ANKS1B: variants seen among roughly 807,000 people sequenced by gnomAD.
The protein encoded by ANKS1B is ankyrin repeat and sterile alpha motif domain-containing protein 1B.
A neutral mutation model predicts 148.3 loss-of-function variants in ANKS1B; 36 were observed. The ratio of observed to expected loss-of-function variants is 0.24; its 90% CI spans 0.19 to 0.32. The LOEUF (loss-of-function observed/expected upper bound fraction) is 0.32. Ranked by LOEUF, ANKS1B falls within the 10% of genes least tolerant of loss-of-function variation. The probability of loss-of-function intolerance (pLI) is 1.00; values close to 1 mark genes in which losing one functional copy is unlikely to be tolerated. For synonymous variants in ANKS1B, 542 were observed against 560.8 expected, an observed-to-expected ratio of 0.97 and a Z score of 0.47; for missense variants, 1,157 against 1,542.6, an observed-to-expected ratio of 0.75 and a Z score of 4.19.
Position 99,246,842 on chromosome 12 carries a change from G to A in ANKS1B, c.1779C>T (p.Asp593=), listed in dbSNP as rs2073925870. ...GATCATATTCTTTTGGGGGATCATTGTCATCCTGTCGGGAGAGGTCATCTG... is the reference window on the plus strand; with the variant it reads ...GATCATATTCTTTTGGGGGATCATTATCATCCTGTCGGGAGAGGTCATCTG... The part of the protein sequence containing the change: ...NHTDDLSRQD[D]NDPPKEYDPG... Residue 593 remains aspartate, a synonymous_variant, in exon 13 of 27, where the codon GAC becomes GAT. Transcript: ENST00000683438. 6.3e-7 allele frequency: 1 copy of A among 1,597,954 alleles called. No individual in the cohort carries two copies. Among genetic ancestry groups the A allele is most frequent in the Non-Finnish European group, 8.5e-7 (1 of 1,175,922 alleles).
chr12:98,958,829 T>C (rs950506376), intron 17 of ANKS1B, among the ~76,000 whole-genome samples: 2 of 152,346 alleles, frequency 1.3e-5, no homozygotes, highest in Middle Eastern at 3.4e-3. Flanking sequence ...TAGTTATATC[T>C]ACATGTAAGT....
intron 19 of ANKS1B, among the ~76,000 whole-genome samples, chr12:98,814,139 C>T (rs1319384252): frequency 6.6e-6 from 1 of 152,120 alleles, no homozygotes; most frequent in African/African-American, 2.4e-5. Context: ...CTCGGCCTCC[C>T]AAAGTGCTTG....
At chr12:99,594,269 T>C (rs897639828) in intron 9 of ANKS1B, among the ~76,000 whole-genome samples, 7 of 152,144 alleles carry the variant, frequency 4.6e-5, no homozygotes, top group Admixed American at 3.3e-4. Flanking sequence ...AGAATGCAAA[T>C]TTATGCAGTC....
chr12:99,928,332 G>A (rs1356315883), intron 1 of ANKS1B, among the ~76,000 whole-genome samples: 1 of 148,488 alleles, frequency 6.7e-6, no homozygotes, highest in African/African-American at 2.5e-5. Flanking sequence ...ACTGCGGACT[G>A]CAGTGGCGCA....
chr12:99,759,907 T>C lies in ANKS1B; in HGVS notation c.1128+13015A>G, dbSNP rs137908749. On this transcript the variant is annotated intron_variant, in intron 8 of 26. Coordinates refer to ENST00000683438, the MANE Select transcript of ANKS1B (RefSeq NM_001352186.2). ...AATTCTAACAGCTGAGTTCTTCTACTAGAAAGTTTAATTCAAGTTAGAGAT... is the reference window on the plus strand; with the variant it reads ...AATTCTAACAGCTGAGTTCTTCTACCAGAAAGTTTAATTCAAGTTAGAGAT... Among the ~76,000 whole-genome samples, 631 of 151,630 alleles carry C rather than the reference T, an allele frequency of 4.2e-3. 4 individuals are homozygous for C. The highest frequency in any genetic ancestry group is 0.014 in the African/African-American group (570 of 41,408).
At chr12:99,661,884 T>C (rs185170873) in intron 8 of ANKS1B, among the ~76,000 whole-genome samples, 3 of 152,268 alleles carry the variant, frequency 2.0e-5, no homozygotes, top group African/African-American at 7.2e-5. Context: ...TGAATAGGTG[T>C]GCCCTTCTTC....
intron 9 of ANKS1B, among the ~76,000 whole-genome samples, chr12:99,646,898 C>T (rs2098374718): frequency 6.7e-6 from 1 of 150,152 alleles, no homozygotes; most frequent in African/African-American, 2.4e-5. Flanking sequence ...CATTCCATAG[C>T]CAGGGTATGA....
intron 22 of ANKS1B, among the ~76,000 whole-genome samples, chr12:98,786,662 C>A (rs549750752): frequency 6.6e-6 from 1 of 152,292 alleles, no homozygotes; most frequent in African/African-American, 2.4e-5. Context: ...CAGAGCAAGA[C>A]TTTTCCGAGC....
intron 18 of ANKS1B, among the ~76,000 whole-genome samples, chr12:98,830,695 G>A (rs1398574883): frequency 6.6e-6 from 1 of 152,132 alleles, no homozygotes; most frequent in African/African-American, 2.4e-5. Flanking sequence ...GCAAGTGCAG[G>A]ACAAAATAGA....
At chr12:98,826,829 G>A (rs975526838) in intron 19 of ANKS1B, among the ~76,000 whole-genome samples, 1 of 152,120 alleles carries the variant, frequency 6.6e-6, no homozygotes, top group Non-Finnish European at 1.5e-5. Context: ...AATTTTAATT[G>A]CTAATTCAAG....
chr12:99,488,779 T>C (rs2096527362), intron 10 of ANKS1B, among the ~76,000 whole-genome samples: 1 of 152,172 alleles, frequency 6.6e-6, no homozygotes, highest in East Asian at 1.9e-4. Flanking sequence ...CATCAAGATA[T>C]TTTCTTTGCT....
intron 2 of ANKS1B, 110 bp from the exon 3 acceptor site, chr12:99,812,421 T>C (rs2068484482): frequency 1.7e-6 from 2 of 1,208,146 alleles, no homozygotes; most frequent in African/African-American, 3.1e-5. Flanking sequence ...GAGTAATCAT[T>C]CAAGGTACTA....
At chr12:98,774,756 C>T (rs1411066132) in intron 24 of ANKS1B, among the ~76,000 whole-genome samples, 1 of 152,214 alleles carries the variant, frequency 6.6e-6, no homozygotes, top group Admixed American at 6.5e-5. Context: ...ATGTCCCTCA[C>T]TTTACCAAGC....
At chr12:99,246,138 A>G in intron 13 of ANKS1B, 137 bp downstream of exon 13, 1 of 633,330 alleles carries the variant, frequency 1.6e-6, no homozygotes, top group Non-Finnish European at 2.6e-6. Flanking sequence ...TACCCACAGA[A>G]CCATTTCATT....
intron 8 of ANKS1B, among the ~76,000 whole-genome samples, chr12:99,678,641 A>G (rs1016825091): frequency 1.3e-5 from 2 of 152,174 alleles, no homozygotes; most frequent in Admixed American, 6.5e-5. Flanking sequence ...TGATTGCACC[A>G]AACTTAAAAA....
chr12:99,854,074 G>A (rs527890305), intron 1 of ANKS1B, among the ~76,000 whole-genome samples: 304 of 152,290 alleles, frequency 2.0e-3, no homozygotes, highest in Middle Eastern at 3.4e-3. Flanking sequence ...GCAGTGGTGC[G>A]ATCTCGGCTC....
chr12:99,043,003 C>A (rs2099960070), intron 17 of ANKS1B, among the ~76,000 whole-genome samples: 1 of 152,224 alleles, frequency 6.6e-6, no homozygotes, highest in Non-Finnish European at 1.5e-5. Context: ...TACCCACTTT[C>A]ATACTGGGTT....
intron 17 of ANKS1B, among the ~76,000 whole-genome samples, chr12:99,011,140 G>A (rs1391886129): frequency 6.6e-6 from 1 of 152,082 alleles, no homozygotes; most frequent in Non-Finnish European, 1.5e-5. Flanking sequence ...TATCCCTGCA[G>A]TCAGTGGACT....
At chr12:99,303,068 G>A (rs1347263920) in intron 12 of ANKS1B, among the ~76,000 whole-genome samples, 1 of 152,040 alleles carries the variant, frequency 6.6e-6, no homozygotes, top group Non-Finnish European at 1.5e-5. Flanking sequence ...GGTCAGAATA[G>A]TCACATCTGA....
Sources: gnomAD v4.1 joint callset for allele counts (sites outside exome capture counted in the v4.1 genomes callset) on GRCh38, gnomAD v4.1.1 for gene constraint, MANE v1.5 for transcripts, NCBI Gene and HGNC (gene_info 2026-07-23, HGNC 2026-07-21) for gene names.